Variants in ZNF35 observed in about 807,000 individuals in gnomAD.
ZNF35 encodes zinc finger protein 35 (clone HF.10).
Under a neutral mutation model 45.9 loss-of-function variants are expected in ZNF35, and 31 were observed. The observed-to-expected ratio is 0.68, with a 90% CI of 0.51 to 0.91. ZNF35 has a LOEUF of 0.91. ZNF35 is among the 40% of genes least tolerant of loss of function. The pLI, the probability that ZNF35 is intolerant of heterozygous loss-of-function variation, is 0.00. For missense variants in ZNF35, 515 were observed against 625.4 expected, an observed-to-expected ratio of 0.82 and a Z score of 1.88; for synonymous variants, 205 against 220.2, an observed-to-expected ratio of 0.93 and a Z score of 0.61.
chr3:44,646,598 ATAT>A (rs574232869), upstream of ZNF35: 81 of 866,366 alleles, frequency 9.3e-5, 1 homozygote, highest in African/African-American at 1.1e-3. Flanking sequence ...ATTCTTCAAA[ATAT>A]TATTATGATG....
In ZNF35 at chr3:44,659,750, A is replaced by C. The variant is rs1364446436; in HGVS notation, c.1387A>C (p.Ile463Leu). ...CTTCACATGTAGCTCATACCTACTT[A>C]TTCATCAGAGAATTCATAATGGAGA... The part of the protein sequence containing the change: ...KAFTCSSYLL[I>L]HQRIHNGEKP... Residue 463 changes from isoleucine to leucine, a missense_variant, in exon 4 of 4, where the codon ATT (isoleucine) becomes CTT (leucine). By Grantham distance (5) the Ile-to-Leu change is conservative. This residue lies in a region of ZNF35 where 232 missense variants were observed against 304.6 expected (regional missense o/e 0.76). Coordinates refer to ENST00000396056, the MANE Select transcript of ZNF35 (RefSeq NM_003420.4). This position sits in a 1 kb window ranked among gnomAD's most constrained non-coding sequence, Gnocchi z 4.3. The C allele has an allele frequency of 6.2e-7, 1 of 1,613,896 alleles. No homozygotes were observed. The highest frequency in any genetic ancestry group is 8.5e-7 in the Non-Finnish European group (1 of 1,179,914).
At chr3:44,655,498 T>C (rs1255671327) in intron 3 of ZNF35, among the ~76,000 whole-genome samples, 1 of 152,248 alleles carries the variant, frequency 6.6e-6, no homozygotes, top group African/African-American at 2.4e-5. Flanking sequence ...AAATTAGTTT[T>C]TGTTTTAGTT....
At chr3:44,646,737 G>A, upstream of ZNF35, 1 of 492,072 alleles carries the variant, frequency 2.0e-6, no homozygotes, top group South Asian at 3.2e-5. Context: ...GGATGAGGAG[G>A]CTTGTTTTTA....
chr3:44,655,541 T>A (rs978299457), intron 3 of ZNF35, among the ~76,000 whole-genome samples: 1 of 152,212 alleles, frequency 6.6e-6, no homozygotes, highest in African/African-American at 2.4e-5. Context: ...TTAATTTCTC[T>A]AGAGCTACAG....
At chr3:44,653,950 C>G (rs1703250418) in intron 3 of ZNF35, among the ~76,000 whole-genome samples, 1 of 152,226 alleles carries the variant, frequency 6.6e-6, no homozygotes, top group Admixed American at 6.5e-5. Context: ...AAGTCACTTT[C>G]TTAAACCAGT....
At position 44,658,421 on chromosome 3, in the gene ZNF35, T is replaced by G. The variant is rs545237197; in HGVS notation, c.338-280T>G. The stretch of plus-strand genomic sequence containing the variant: ...GCACTGTCTGGAGATTGGCCCTCCC[T>G]GGCATGAGGCAGCGGGCAGCGGGGT... On this transcript the variant is annotated intron_variant, in intron 3 of 3. Coordinates refer to ENST00000396056, the MANE Select transcript of ZNF35 (RefSeq NM_003420.4). Among the ~76,000 whole-genome samples, 146 of 152,326 alleles carry G rather than the reference T, an allele frequency of 9.6e-4. 1 individual carries two copies. Among genetic ancestry groups the G allele is most frequent in the African/African-American group, 3.5e-3 (144 of 41,586 alleles).
chr3:44,654,954 T>A (rs1444212011), intron 3 of ZNF35, among the ~76,000 whole-genome samples: 2 of 152,048 alleles, frequency 1.3e-5, no homozygotes, highest in African/African-American at 4.8e-5. Flanking sequence ...GCCAACATGG[T>A]GAAACCCTGT....
At chr3:44,651,498 A>G (rs1202926302) in intron 2 of ZNF35, among the ~76,000 whole-genome samples, 1 of 152,022 alleles carries the variant, frequency 6.6e-6, no homozygotes, top group East Asian at 1.9e-4. Context: ...CTTTTTATAA[A>G]ATCTTGATGT....
chr3:44,651,301 A>G (rs372953003), intron 2 of ZNF35, 42 bp downstream of exon 2: 8 of 1,584,610 alleles, frequency 5.0e-6, no homozygotes, highest in Non-Finnish European at 6.0e-6. Flanking sequence ...AGATACTTGA[A>G]GACCTCAAGT....
rs1379947305 is a variant in ZNF35 at position 44,651,193 on chromosome 3, C to T, written c.126C>T (p.Asn42=). 1.2e-6 allele frequency: 2 copies of T among 1,614,030 alleles called. No homozygotes were observed. The highest frequency in any genetic ancestry group is 1.7e-5 in the Admixed American group (1 of 59,992). The stretch of plus-strand genomic sequence containing the variant: ...CCAGCCAACAAGTGCACTCCGAGAA[C>T]ATCAAAGTCTGGGCCCCAGTGCAGG... ...QASSQQVHSE[N]IKVWAPVQGL... Residue 42 remains asparagine, a synonymous_variant, in exon 2 of 4, where the codon AAC becomes AAT. Coordinates refer to ENST00000396056, the MANE Select transcript of ZNF35 (RefSeq NM_003420.4).
intron 3 of ZNF35, among the ~76,000 whole-genome samples, chr3:44,654,387 G>A (rs1028086234): frequency 3.3e-5 from 5 of 152,322 alleles, no homozygotes; most frequent in Middle Eastern, 6.8e-3. Flanking sequence ...CCTTGAGTAA[G>A]TCCCTTCTCT....
intron 1 of ZNF35, among the ~76,000 whole-genome samples, chr3:44,649,181 C>T (rs183404319): frequency 2.0e-5 from 3 of 152,204 alleles, no homozygotes; most frequent in African/African-American, 7.2e-5. Flanking sequence ...CGTCTGGGAC[C>T]GGAGGTCCGT....
chr3:44,654,528 T>G (rs1188955786), intron 3 of ZNF35, among the ~76,000 whole-genome samples: 1 of 152,216 alleles, frequency 6.6e-6, no homozygotes, highest in Non-Finnish European at 1.5e-5. Flanking sequence ...AGACACAACC[T>G]TGCTCTTTTT....
At chr3:44,653,813 A>AT (rs1352056844) in intron 3 of ZNF35, among the ~76,000 whole-genome samples, 1 of 152,222 alleles carries the variant, frequency 6.6e-6, no homozygotes, top group Non-Finnish European at 1.5e-5. Context: ...TGCAGTAGCC[A>AT]TGAGTCCTGT....
At chr3:44,656,107 C>T (rs73074488) in intron 3 of ZNF35, among the ~76,000 whole-genome samples, 175 of 151,912 alleles carry the variant, frequency 1.2e-3, no homozygotes, top group Non-Finnish European at 2.0e-3. Flanking sequence ...GATAAAGTAA[C>T]AGTAGAGAAC....
At chr3:44,657,857 C>G (rs1703336415) in intron 3 of ZNF35, among the ~76,000 whole-genome samples, 1 of 152,228 alleles carries the variant, frequency 6.6e-6, no homozygotes, top group Non-Finnish European at 1.5e-5. Flanking sequence ...ATCAGTCAGC[C>G]TGAAAGTTGC....
chr3:44,649,530 TAA>T (rs1046703734), intron 1 of ZNF35, among the ~76,000 whole-genome samples: 4 of 152,136 alleles, frequency 2.6e-5, no homozygotes, highest in Non-Finnish European at 5.9e-5. Flanking sequence ...ATCAAACTAG[TAA>T]GGTTATTTTG....
Position 44,658,843 on chromosome 3 carries a change from C to T in ZNF35, c.480C>T (p.Asn160=), listed in dbSNP as rs1703353919. Residue 160 remains asparagine, a synonymous_variant, in exon 4 of 4, where the codon AAC becomes AAT. Transcript: ENST00000396056. ...TAGGAGAAGCTTGTGAAAAGGGAAA[C>T]ATGTTAAAGAGGCAGAGAATAAAGA... The part of the protein sequence containing the change: ...PELGEACEKG[N]MLKRQRIKRE... 2 of 1,613,474 alleles carry T rather than the reference C, an allele frequency of 1.2e-6. No individual in the cohort carries two copies. The highest frequency in any genetic ancestry group is 1.7e-6 in the Non-Finnish European group (2 of 1,179,946).
chr3:44,646,706 G>A (rs1338177274), upstream of ZNF35: 6 of 550,948 alleles, frequency 1.1e-5, no homozygotes, highest in Admixed American at 3.3e-5. Flanking sequence ...TGAAAATTTC[G>A]ATATGAAAGG....
Sources: allele counts gnomAD v4.1 joint callset (sites outside exome capture counted in the v4.1 genomes callset), GRCh38; gene constraint gnomAD v4.1.1; regional missense constraint gnomAD v4.1.1; non-coding constraint Gnocchi (gnomAD v3.1); transcripts MANE v1.5; gene names NCBI Gene and HGNC (gene_info 2026-07-23, HGNC 2026-07-21).